Variants in PPP2R2B observed in about 807,000 individuals in gnomAD.
PPP2R2B encodes the protein protein phosphatase 2 regulatory subunit Bbeta.
Under a neutral mutation model 46.0 loss-of-function variants are expected in PPP2R2B, and 5 were observed. The observed-to-expected ratio is 0.11, with a 90% confidence interval of 0.06 to 0.23. PPP2R2B has a LOEUF of 0.23. PPP2R2B is among the 10% of genes least tolerant of loss of function. The pLI is 1.00. For synonymous variants in PPP2R2B, 215 were observed against 206.7 expected, an observed-to-expected ratio of 1.04 and a Z score of -0.34; for missense variants, 367 against 575.0, an observed-to-expected ratio of 0.64 and a Z score of 3.70.
At chr5:146,905,052 A>C (rs1049275450) in intron 1 of PPP2R2B, among the ~76,000 whole-genome samples, 1 of 152,202 alleles carries the variant, frequency 6.6e-6, no homozygotes, top group African/African-American at 2.4e-5. Context: ...ACCTGAAAAT[A>C]TGCTCAACAT....
intron 1 of PPP2R2B, among the ~76,000 whole-genome samples, chr5:146,892,957 A>AT (rs1454387934): frequency 6.6e-6 from 1 of 152,152 alleles, no homozygotes; most frequent in African/African-American, 2.4e-5. Flanking sequence ...TCTAGGATCT[A>AT]TTGCTACCCT....
intron 1 of PPP2R2B, among the ~76,000 whole-genome samples, chr5:147,049,834 T>C (rs991503546): frequency 9.9e-5 from 15 of 152,164 alleles, no homozygotes; most frequent in African/African-American, 3.6e-4. Context: ...TTTGGTGGCA[T>C]GATAGAAAGT....
intron 2 of PPP2R2B, among the ~76,000 whole-genome samples, chr5:146,754,338 C>A (rs1561880830): frequency 6.6e-6 from 1 of 152,108 alleles, no homozygotes; most frequent in Admixed American, 6.5e-5. Flanking sequence ...GTGTACTCAT[C>A]AGGAGGAGAA....
intron 1 of PPP2R2B, among the ~76,000 whole-genome samples, chr5:147,018,201 A>G (rs1178592625): frequency 3.3e-5 from 5 of 152,306 alleles, no homozygotes; most frequent in Admixed American, 2.6e-4. Context: ...TATGGAATAG[A>G]AAGAGTAAAT....
intron 1 of PPP2R2B, among the ~76,000 whole-genome samples, chr5:146,896,503 A>G (rs1762648493): frequency 6.6e-6 from 1 of 152,206 alleles, no homozygotes; most frequent in African/African-American, 2.4e-5. Context: ...GTATTTATCA[A>G]AAAGAATCAA....
At chr5:146,701,912 G>A (rs915591242) in intron 2 of PPP2R2B, among the ~76,000 whole-genome samples, 2 of 152,112 alleles carry the variant, frequency 1.3e-5, no homozygotes, top group African/African-American at 4.8e-5. Flanking sequence ...CTTCTATGCT[G>A]GTTACCCCTG....
At chr5:146,600,177 T>C (rs1771637402) in intron 8 of PPP2R2B, 114 bp downstream of exon 8, 1 of 1,090,336 alleles carries the variant, frequency 9.2e-7, no homozygotes, top group African/African-American at 1.6e-5. Context: ...ACTGAATGTA[T>C]CACCATGCAT....
chr5:146,976,153 T>G (rs916171241), intron 1 of PPP2R2B, among the ~76,000 whole-genome samples: 1 of 135,832 alleles, frequency 7.4e-6, no homozygotes, highest in Non-Finnish European at 1.6e-5. Context: ...TATTATTATT[T>G]CTGAGACACA....
At chr5:146,908,100 A>G (rs1308537551) in intron 1 of PPP2R2B, among the ~76,000 whole-genome samples, 2 of 152,202 alleles carry the variant, frequency 1.3e-5, no homozygotes, top group African/African-American at 2.4e-5. Flanking sequence ...ACCTATAACC[A>G]TGGTTCCTCA....
At chr5:147,074,185 G>T (rs1047036458) in intron 2 of PPP2R2B, among the ~76,000 whole-genome samples, 1 of 152,242 alleles carries the variant, frequency 6.6e-6, no homozygotes, top group African/African-American at 2.4e-5. Context: ...TGCACAATAA[G>T]GTTGGAAAAT....
chr5:147,079,469 T>TATATATATATATAC (rs1491141938), intron 2 of PPP2R2B, among the ~76,000 whole-genome samples: 197 of 139,018 alleles, frequency 1.4e-3, no homozygotes, highest in Middle Eastern at 3.7e-3. Flanking sequence ...TATATATATA[T>TATATATATATATAC]ACATGTGCAA....
intron 6 of PPP2R2B, among the ~76,000 whole-genome samples, chr5:146,645,904 G>A (rs569856673): frequency 3.3e-5 from 5 of 152,188 alleles, no homozygotes; most frequent in South Asian, 2.1e-4. Context: ...CCTCCAACAT[G>A]TCATACTCTC....
chr5:146,991,526 T>C (rs1753698364), intron 1 of PPP2R2B, among the ~76,000 whole-genome samples: 1 of 152,140 alleles, frequency 6.6e-6, no homozygotes, highest in Non-Finnish European at 1.5e-5. Context: ...AGGGTGACTT[T>C]AGCAAATAAC....
chr5:146,789,652 A>C (rs1199428956), intron 2 of PPP2R2B, among the ~76,000 whole-genome samples: 1 of 152,060 alleles, frequency 6.6e-6, no homozygotes, highest in East Asian at 1.9e-4. Context: ...GAGAGGCAAT[A>C]CATCTAAGAA....
In PPP2R2B at chr5:146,585,496, T is replaced by G. The variant is rs1770106134; in HGVS notation, c.*4451A>C. On this transcript the variant is annotated 3_prime_UTR_variant, in exon 10 of 10. Coordinates refer to ENST00000394411, the MANE Select transcript of PPP2R2B (RefSeq NM_181675.4). ...GAAATTTGTAGAACAAAGCCTGGCT[T>G]ATAATAAGTGCTCAATAAATGTTAG... The G allele has an allele frequency of 6.6e-6, 1 of 152,230 alleles. No individual in the cohort carries two copies. Among genetic ancestry groups the G allele is most frequent in the Non-Finnish European group, 1.5e-5 (1 of 68,040 alleles). 9.4% of individuals were successfully genotyped at this position (152,230 alleles called of 1,614,324 possible). A position where few individuals can be genotyped will look rare whatever the true frequency, so the allele number is the denominator to read the frequency against.
At chr5:146,946,779 G>A (rs2915841) in intron 1 of PPP2R2B, among the ~76,000 whole-genome samples, 72,207 of 151,880 alleles carry the variant, frequency 0.48, 19,724 homozygotes, top group East Asian at 0.73. Flanking sequence ...AGAGGAGGCC[G>A]AAGCCATTAC....
intron 1 of PPP2R2B, among the ~76,000 whole-genome samples, chr5:147,007,550 C>A (rs1160006470): frequency 1.3e-5 from 2 of 152,168 alleles, no homozygotes; most frequent in Non-Finnish European, 2.9e-5. Flanking sequence ...CCAGCAGTGG[C>A]AAACTGCTCA....
chr5:147,014,842 A>C (rs1157304270), intron 1 of PPP2R2B, among the ~76,000 whole-genome samples: 1 of 152,078 alleles, frequency 6.6e-6, no homozygotes, highest in Admixed American at 6.6e-5. Context: ...TATGTAACTA[A>C]CCTGCACAAT....
At chr5:146,884,089 GTTTTTTTTTT>G (rs372611320) in intron 1 of PPP2R2B, among the ~76,000 whole-genome samples, 2 of 104,692 alleles carry the variant, frequency 1.9e-5, no homozygotes, top group Admixed American at 1.0e-4. Flanking sequence ...TAAATTCAGG[GTTTTTTTTTT>G]TTTTTTTTTT....
Sources: gnomAD v4.1 joint callset for allele counts (sites outside exome capture counted in the v4.1 genomes callset) on GRCh38, gnomAD v4.1.1 for gene constraint, MANE v1.5 for transcripts, NCBI Gene and HGNC (gene_info 2026-07-23, HGNC 2026-07-21) for gene names.